Variants in DCAF11 observed in about 807,000 individuals in gnomAD.
The protein encoded by DCAF11 is DDB1 and CUL4 associated factor 11.
In DCAF11, 44 loss-of-function variants were observed where a neutral mutation model predicts 76.1. That is an observed-to-expected ratio of 0.58 (90% CI 0.45 to 0.74). DCAF11 has a LOEUF of 0.74. Ranked by LOEUF, DCAF11 falls within the 30% of genes least tolerant of loss-of-function variation. The pLI, the probability that DCAF11 is intolerant of heterozygous loss-of-function variation, is 0.00. For missense variants in DCAF11, 604 were observed against 709.4 expected (o/e 0.85, Z 1.69); for synonymous variants, 258 against 255.0 (o/e 1.01, Z -0.11).
At chr14:24,121,561 T>C (rs1294063111) in intron 13 of DCAF11, 44 bp downstream of exon 13, 1 of 1,603,298 alleles carries the variant, frequency 6.2e-7, no homozygotes, top group Non-Finnish European at 8.5e-7. Flanking sequence ...AGGGCAGGAA[T>C]GACTCCTTGC....
chr14:24,120,311 C>CT (rs2037667163), intron 11 of DCAF11, among the ~76,000 whole-genome samples: 2 of 151,652 alleles, frequency 1.3e-5, no homozygotes, highest in South Asian at 4.2e-4. Flanking sequence ...AATCCCAGCA[C>CT]TTTGGGAGGC....
chr14:24,120,158 C>T (rs142937087), intron 11 of DCAF11, among the ~76,000 whole-genome samples: 2,035 of 152,028 alleles, frequency 0.013, 53 homozygotes, highest in African/African-American at 0.044. Flanking sequence ...AATCCTAGCA[C>T]TTTGGGAGGC....
At chr14:24,119,383 A>T in intron 9 of DCAF11, 170 bp downstream of exon 9, 1 of 1,177,984 alleles carries the variant, frequency 8.5e-7, no homozygotes, top group Non-Finnish European at 1.2e-6. Context: ...CCCCAGCACG[A>T]GATTGGAGGT....
At chr14:24,118,918 C>G (rs888384746) in intron 8 of DCAF11, 114 bp downstream of exon 8, 20 of 1,272,478 alleles carry the variant, frequency 1.6e-5, no homozygotes, top group Non-Finnish European at 2.0e-5. Flanking sequence ...ACTGGTGGGT[C>G]TGTGTGCATT....
intron 9 of DCAF11, 106 bp downstream of exon 9, chr14:24,119,319 G>C: frequency 6.9e-7 from 1 of 1,447,682 alleles, no homozygotes; most frequent in Middle Eastern, 2.3e-4. Flanking sequence ...AGAACAACCA[G>C]ACCTTCTCCC....
rs78107024 is a variant in DCAF11 at position 24,119,930 on chromosome 14, G to A, written c.1092+34G>A. 8.5e-4 allele frequency: 1,326 copies of A among 1,563,058 alleles called. 7 individuals carry two copies. The African/African-American group carries it at 0.014, about 16-fold the overall frequency. On this transcript the variant is annotated intron_variant, in intron 11 of 14. Coordinates refer to ENST00000446197, the MANE Select transcript of DCAF11 (RefSeq NM_025230.5). ...GAAGTCAGGACTGTACAGCCAGGCCGCTAAGGTTCTAGTTGCCCAGGAGGG... is the reference window on the plus strand; with the variant it reads ...GAAGTCAGGACTGTACAGCCAGGCCACTAAGGTTCTAGTTGCCCAGGAGGG...
Position 24,119,980 on chromosome 14 carries a change from T to C in DCAF11, c.1092+84T>C, listed in dbSNP as rs556480829. 17 of 1,438,958 alleles carry C rather than the reference T, an allele frequency of 1.2e-5. No individual in the cohort carries two copies. The East Asian group carries it at 4.2e-4, about 36-fold the overall frequency. The allele number at this position is 1,438,958 out of a possible 1,614,324, so 89.1% of individuals were successfully genotyped here. On this transcript the variant is annotated intron_variant, in intron 11 of 14. Transcript: ENST00000446197. ...GCATGAAAGCGGACTGGTGTGGGAA[T>C]TTGACAAGCTCCTTATTAACCAAGG...
At chr14:24,119,108 A>C in intron 8 of DCAF11, 37 bp from the exon 9 acceptor site, 1 of 1,613,710 alleles carries the variant, frequency 6.2e-7, no homozygotes, top group Non-Finnish European at 8.5e-7. Flanking sequence ...CAAAAGCTGA[A>C]GGAAGTCCAC....
chr14:24,115,359 C>T (rs111512015), intron 1 of DCAF11, 23 bp from the exon 2 acceptor site: 79 of 470,646 alleles, frequency 1.7e-4, no homozygotes, highest in African/African-American at 1.3e-3. Context: ...CTACGGTTCA[C>T]TCTTGCTTTC....
chr14:24,122,799 A>T (rs1168518289), intron 13 of DCAF11, among the ~76,000 whole-genome samples, 172 bp from the exon 14 acceptor site: 1 of 152,220 alleles, frequency 6.6e-6, no homozygotes, highest in Non-Finnish European at 1.5e-5. Context: ...CAAGGTATGG[A>T]AAGGAACAGG....
intron 6 of DCAF11, 94 bp downstream of exon 6, chr14:24,118,249 C>A (rs1486921572): frequency 6.4e-6 from 10 of 1,569,974 alleles, no homozygotes; most frequent in Admixed American, 1.7e-5. Flanking sequence ...GAGCTCAGAC[C>A]TGGCTTAAGG....
Position 24,121,448 on chromosome 14 carries a change from C to T in DCAF11, c.1330C>T (p.Arg444Trp), listed in dbSNP as rs1271095636. The change falls in exon 13 of 15, where the codon CGG becomes TGG. Residue 444 changes from arginine to tryptophan, a missense_variant. By Grantham distance (101) the Arg-to-Trp change is moderately radical. Coordinates refer to ENST00000446197, the MANE Select transcript of DCAF11 (RefSeq NM_025230.5). ...HGVLHTLIRC[R>W]FSPIHSTGQQ... ...AGTGCTGCACACCCTCATCCGCTGC[C>T]GGTTCTCCCCCATTCATAGCACTGG... 1.9e-6 allele frequency: 3 copies of T among 1,614,086 alleles called. No homozygotes were observed. The highest frequency in any genetic ancestry group is 1.1e-5 in the South Asian group (1 of 91,080).
chr14:24,118,616 C>T, intron 7 of DCAF11, 82 bp downstream of exon 7: 1 of 1,595,332 alleles, frequency 6.3e-7, no homozygotes. Flanking sequence ...AGCCAGGATC[C>T]CTCACTTTGT....
At position 24,121,341 on chromosome 14, in the gene DCAF11, G is replaced by A. The variant is rs749596573; in HGVS notation, c.1247-24G>A. On this transcript the variant is annotated intron_variant, in intron 12 of 14. Transcript: ENST00000446197. ...TCCCAAAGCAGATTTCCTAACCTAG[G>A]GTTTACTCTGCATCCCTACCCAGCC... 8 of 1,613,834 alleles carry A rather than the reference G, an allele frequency of 5.0e-6. No individual in the cohort carries two copies. The East Asian group carries it at 1.3e-4, about 27-fold the overall frequency.
Position 24,117,585 on chromosome 14 carries a change from A to G in DCAF11, c.412-83A>G. ...GTGTGTCCATTTCTATAACAAGAGC[A>G]ATATCTTTGGAGGAGGGGGCTTGAT... On this transcript the variant is annotated intron_variant, in intron 4 of 14. Coordinates refer to ENST00000446197, the MANE Select transcript of DCAF11 (RefSeq NM_025230.5). This position sits in a 1 kb window ranked among gnomAD's most constrained non-coding sequence, Gnocchi z 4.3. 1 of 1,547,878 alleles carries G rather than the reference A, an allele frequency of 6.5e-7. No homozygotes were observed. Among genetic ancestry groups the G allele is most frequent in the East Asian group, 2.3e-5 (1 of 44,226 alleles).
At chr14:24,121,926 G>C in intron 13 of DCAF11, 1 of 173,636 alleles carries the variant, frequency 5.8e-6, no homozygotes, top group Non-Finnish European at 1.2e-5. Flanking sequence ...TGTAACCCCA[G>C]GGCTTTGGGA....
intron 2 of DCAF11, among the ~76,000 whole-genome samples, 175 bp downstream of exon 2, chr14:24,115,924 A>G (rs75719972): frequency 6.6e-6 from 1 of 152,320 alleles, no homozygotes; most frequent in East Asian, 1.9e-4. Context: ...CATACCCAGT[A>G]AGAGTGGTTC....
chr14:24,121,398 C>G lies in DCAF11; in HGVS notation c.1280C>G (p.Ser427Cys), dbSNP rs1459740670. The change falls in exon 13 of 15, where the codon TCC becomes TGC. Residue 427 changes from serine (S) to cysteine (C), a missense_variant. By Grantham distance (112) the Ser-to-Cys change is moderately radical (BLOSUM62 -1). Transcript: ENST00000446197. ...WRKLKLPGDS[S>C]LMTYRGHGVL... Reference sequence around the variant, plus strand: ...AAGCTGAAGCTCCCAGGGGACAGCTCCTTGATGACCTACCGGGGCCACGGA... The same window carrying G: ...AAGCTGAAGCTCCCAGGGGACAGCTGCTTGATGACCTACCGGGGCCACGGA... 1 of 1,614,226 alleles carries G rather than the reference C, an allele frequency of 6.2e-7. No individual in the cohort carries two copies. Among genetic ancestry groups the G allele is most frequent in the Non-Finnish European group, 8.5e-7 (1 of 1,180,042 alleles).
chr14:24,120,794 A>G (rs375892847), intron 11 of DCAF11, 44 bp from the exon 12 acceptor site: 2 of 1,604,546 alleles, frequency 1.2e-6, no homozygotes, highest in Non-Finnish European at 1.7e-6. Flanking sequence ...AGGCGCCGAC[A>G]TTTGCAAGCT....
Sources: gnomAD v4.1 joint callset for allele counts (sites outside exome capture counted in the v4.1 genomes callset) on GRCh38, gnomAD v4.1.1 for gene constraint, Gnocchi (gnomAD v3.1) non-coding constraint, MANE v1.5 for transcripts, NCBI Gene and HGNC (gene_info 2026-07-23, HGNC 2026-07-21) for gene names.